UBE2E1: variants seen among roughly 807,000 people sequenced by gnomAD.
UBE2E1 encodes ubiquitin-conjugating enzyme E2 E1.
A neutral mutation model predicts 21.4 loss-of-function variants in UBE2E1; 6 were observed. The observed-to-expected ratio is 0.28, with a 90% CI of 0.15 to 0.55. The LOEUF (loss-of-function observed/expected upper bound fraction) is 0.55, where lower values mean the gene tolerates loss of function less well. Ranked by LOEUF, UBE2E1 falls within the 20% of genes least tolerant of loss-of-function variation. The pLI is 0.93. For missense variants in UBE2E1, 142 were observed against 236.5 expected, an observed-to-expected ratio of 0.60 and a Z score of 2.62; for synonymous variants, 87 against 82.7, an observed-to-expected ratio of 1.05 and a Z score of -0.28.
rs1699375587 is a variant in UBE2E1 at position 23,810,888 on chromosome 3, G to A, written c.153-572G>A. On this transcript the variant is annotated intron_variant, in intron 2 of 5. Coordinates refer to ENST00000306627, the MANE Select transcript of UBE2E1 (RefSeq NM_003341.5). This position sits in a 1 kb window ranked among gnomAD's most constrained non-coding sequence, Gnocchi z 5.8. ...CTGGGCCTCCCGGGCACCCCGCCAC[G>A]GCTGGCAGGTCACTCGGGCCCGAGG... 2 of 160,578 alleles carry A rather than the reference G, an allele frequency of 1.2e-5. No homozygotes were observed. The highest frequency in any genetic ancestry group is 6.5e-5 in the Admixed American group (1 of 15,474). The allele number at this position is 160,578 out of a possible 1,614,324, so 9.9% of individuals were successfully genotyped here. A position where few individuals can be genotyped will look rare whatever the true frequency, so the allele number is the denominator to read the frequency against.
intron 3 of UBE2E1, among the ~76,000 whole-genome samples, chr3:23,847,184 C>G (rs1460488175): frequency 6.6e-6 from 1 of 152,024 alleles, no homozygotes; most frequent in African/African-American, 2.4e-5. Flanking sequence ...TAGGCATAAA[C>G]CAAGATTGTC....
At chr3:23,820,483 C>G (rs1699623093) in intron 3 of UBE2E1, among the ~76,000 whole-genome samples, 1 of 152,146 alleles carries the variant, frequency 6.6e-6, no homozygotes, top group Admixed American at 6.5e-5. Flanking sequence ...TCTTACAAAG[C>G]CAAAGGTTTT....
rs746093181 is a variant in UBE2E1, at chr3:23,807,432, C to T, written c.152+11C>T. The stretch of plus-strand genomic sequence containing the variant: ...CACCAGCGCCAAGAGGTACTGTGCT[C>T]TTTTTTTTTTCCACAGGCTTCCTAT... On this transcript the variant is annotated intron_variant, in intron 2 of 5. Coordinates refer to ENST00000306627, the MANE Select transcript of UBE2E1 (RefSeq NM_003341.5). 3 of 1,444,712 alleles carry T rather than the reference C, an allele frequency of 2.1e-6. No individual in the cohort carries two copies. Among genetic ancestry groups the T allele is most frequent in the Non-Finnish European group, 2.8e-6 (3 of 1,067,708 alleles). The allele number at this position is 1,444,712 out of a possible 1,614,324, so 89.5% of individuals were successfully genotyped here.
At chr3:23,874,254 T>A (rs1228321679) in intron 3 of UBE2E1, among the ~76,000 whole-genome samples, 1 of 152,204 alleles carries the variant, frequency 6.6e-6, no homozygotes, top group African/African-American at 2.4e-5. Flanking sequence ...AATCTTGGTA[T>A]CCTTTTAAAA....
At chr3:23,807,189 C>T in intron 1 of UBE2E1, 48 bp from the exon 2 acceptor site, 1 of 1,475,064 alleles carries the variant, frequency 6.8e-7, no homozygotes, top group South Asian at 1.4e-5. Flanking sequence ...CTTATTTACA[C>T]TGGCTGCATG....
chr3:23,832,895 G>T (rs1306352802), intron 3 of UBE2E1, among the ~76,000 whole-genome samples: 4 of 152,026 alleles, frequency 2.6e-5, no homozygotes, highest in African/African-American at 9.7e-5. Context: ...AATAATCCAG[G>T]TGTGGTGGTG....
intron 3 of UBE2E1, among the ~76,000 whole-genome samples, chr3:23,858,273 GC>G (rs1377142761): frequency 6.6e-6 from 1 of 152,132 alleles, no homozygotes; most frequent in Non-Finnish European, 1.5e-5. Flanking sequence ...ACTGTCGTCA[GC>G]ATTTTATAAA....
In UBE2E1 at chr3:23,890,740, C is replaced by A; in HGVS notation, c.*134C>A. The stretch of plus-strand genomic sequence containing the variant: ...TAACAGATATTATTCAGTCTTATTT[C>A]CTAAGATTTTGTTGTAACTTAAGGT... On this transcript the variant is annotated 3_prime_UTR_variant, in exon 6 of 6. Coordinates refer to ENST00000306627, the MANE Select transcript of UBE2E1 (RefSeq NM_003341.5). 2 of 767,740 alleles carry A rather than the reference C, an allele frequency of 2.6e-6. No individual in the cohort carries two copies. Among genetic ancestry groups the A allele is most frequent in the Non-Finnish European group, 3.8e-6 (2 of 526,416 alleles). 47.6% of individuals were successfully genotyped at this position (767,740 alleles called of 1,614,324 possible). A position where few individuals can be genotyped will look rare whatever the true frequency, so the allele number is the denominator to read the frequency against.
In UBE2E1 at chr3:23,836,102, T is replaced by C. The variant is rs1426420326; in HGVS notation, c.203+24592T>C. The stretch of plus-strand genomic sequence containing the variant: ...CGATTTTTCTGTTAAATAGGACATT[T>C]GGAACAAGAACTGTTTAGGATATAG... On this transcript the variant is annotated intron_variant, in intron 3 of 5. Coordinates refer to ENST00000306627, the MANE Select transcript of UBE2E1 (RefSeq NM_003341.5). The surrounding 1 kb of genome is among the most constrained non-coding windows in gnomAD (Gnocchi z 4.1). 6.6e-6 allele frequency among the ~76,000 whole-genome samples: 1 copy of C among 152,228 alleles called. No homozygotes were observed. Among genetic ancestry groups the C allele is most frequent in the Admixed American group, 6.5e-5 (1 of 15,280 alleles).
chr3:23,854,117 T>C (rs925597170), intron 3 of UBE2E1, among the ~76,000 whole-genome samples: 1 of 151,744 alleles, frequency 6.6e-6, no homozygotes, highest in Non-Finnish European at 1.5e-5. Flanking sequence ...AATTAACCGA[T>C]TGTGGTAGTG....
intron 3 of UBE2E1, among the ~76,000 whole-genome samples, chr3:23,855,857 A>G (rs1700424202): frequency 6.6e-6 from 1 of 152,108 alleles, no homozygotes; most frequent in Non-Finnish European, 1.5e-5. Context: ...AAATAAAAAA[A>G]AGAAGTAGTG....
At chr3:23,872,983 C>T (rs1390048755) in intron 3 of UBE2E1, among the ~76,000 whole-genome samples, 1 of 151,906 alleles carries the variant, frequency 6.6e-6, no homozygotes, top group African/African-American at 2.4e-5. Context: ...CGCCACTGCA[C>T]TCCAGCCTGG....
intron 3 of UBE2E1, among the ~76,000 whole-genome samples, chr3:23,881,740 A>T (rs1019452384): frequency 2.0e-5 from 3 of 152,204 alleles, no homozygotes; most frequent in Non-Finnish European, 2.9e-5. Flanking sequence ...ACTGACTTCA[A>T]GAATGAAGCC....
chr3:23,889,545 C>A, intron 5 of UBE2E1: 1 of 1,383,468 alleles, frequency 7.2e-7, no homozygotes, highest in Non-Finnish European at 9.3e-7. Flanking sequence ...TTTCCTGTTG[C>A]TTAATTTCCC....
At chr3:23,884,717 A>G in intron 3 of UBE2E1, among the ~76,000 whole-genome samples, 1 of 152,082 alleles carries the variant, frequency 6.6e-6, no homozygotes, top group Non-Finnish European at 1.5e-5. Flanking sequence ...CAAGTTGAAC[A>G]TGAACAGTAC....
chr3:23,848,821 A>G lies in UBE2E1; in HGVS notation c.203+37311A>G, dbSNP rs369588092. 9.3e-3 allele frequency among the ~76,000 whole-genome samples: 1,412 copies of G among 152,290 alleles called. 18 individuals are homozygous for G. Among genetic ancestry groups the G allele is most frequent in the East Asian group, 0.042 (219 of 5,190 alleles). ...GCAAGAAAGTCCTAACTGGAATCAA[A>G]GGGGGAGAGGTGTTGGTAAGCCAAG... On this transcript the variant is annotated intron_variant, in intron 3 of 5. Transcript: ENST00000306627.
chr3:23,856,152 G>A (rs1015382531), intron 3 of UBE2E1, among the ~76,000 whole-genome samples: 19 of 151,986 alleles, frequency 1.3e-4, no homozygotes, highest in African/African-American at 4.3e-4. Context: ...TCAGCCTCCC[G>A]AGTAACTGGG....
chr3:23,846,604 G>A (rs981368066), intron 3 of UBE2E1, among the ~76,000 whole-genome samples: 5 of 148,962 alleles, frequency 3.4e-5, no homozygotes, highest in African/African-American at 9.9e-5. Flanking sequence ...GCTGAGGCCC[G>A]GCAATCACTT....
At chr3:23,811,741 T>C (rs1191408262) in intron 3 of UBE2E1, among the ~76,000 whole-genome samples, 1 of 152,214 alleles carries the variant, frequency 6.6e-6, no homozygotes, top group Non-Finnish European at 1.5e-5. Context: ...GATTTTTACA[T>C]ATATGAAACA....
Sources: gnomAD v4.1 joint callset for allele counts (sites outside exome capture counted in the v4.1 genomes callset) on GRCh38, gnomAD v4.1.1 for gene constraint, Gnocchi (gnomAD v3.1) non-coding constraint, MANE v1.5 for transcripts, NCBI Gene and HGNC (gene_info 2026-07-23, HGNC 2026-07-21) for gene names.